Variants in SAGE1 observed in about 807,000 individuals in gnomAD.
The protein encoded by SAGE1 is sarcoma antigen 1, also known as cancer/testis antigen 14.
SAGE1 carries 55 observed loss-of-function variants against 55.4 expected under a neutral mutation model. The observed-to-expected ratio is 0.99, with a 90% confidence interval of 0.80 to 1.24. SAGE1 has a LOEUF of 1.24. SAGE1 is among the 50% of genes most tolerant of loss of function. The probability of loss-of-function intolerance (pLI) is 0.00; values close to 1 mark genes in which losing one functional copy is unlikely to be tolerated. For synonymous variants in SAGE1, 240 were observed against 244.3 expected, an observed-to-expected ratio of 0.98 and a Z score of 0.17; for missense variants, 710 against 704.4, an observed-to-expected ratio of 1.01 and a Z score of -0.09.
intron 1 of SAGE1, among the ~76,000 whole-genome samples, chrX:135,894,153 A>G (rs1556591857): frequency 9.0e-6 from 1 of 111,440 alleles, no homozygotes; most frequent in African/African-American, 3.3e-5. Flanking sequence ...GGCTCACCCA[A>G]CCTCCGCCTC....
At chrX:135,908,699 T>G in intron 12 of SAGE1, 82 bp downstream of exon 12, 1 of 1,055,922 alleles carries the variant, frequency 9.5e-7, no homozygotes, top group South Asian at 2.2e-5. Context: ...GGTTGTTTTG[T>G]GAATTATCTT....
chrX:135,900,036 T>A (rs2088647418), intron 2 of SAGE1, among the ~76,000 whole-genome samples: 1 of 111,055 alleles, frequency 9.0e-6, no homozygotes, highest in African/African-American at 3.3e-5. Flanking sequence ...CTATGTTGAA[T>A]AGGCGAGGTG....
Position 135,911,094 on chromosome X carries a change from T to C in SAGE1, c.2006-98T>C, listed in dbSNP as rs997436849. The C allele has an allele frequency of 1.2e-5, 11 of 948,638 alleles. No homozygotes were observed. In the Admixed American group the frequency reaches 2.3e-4, roughly 20 times the overall value. The allele number at this position is 948,638 out of a possible 1,213,427, so 78.2% of individuals were successfully genotyped here. A position where few individuals can be genotyped will look rare whatever the true frequency, so the allele number is the denominator to read the frequency against. ...CCACCTGGTATATCCTCCTGCTGTA[T>C]GGGATAACGTCCTGGAAACTGAGCA... is the stretch of plus-strand genomic sequence containing the variant. On this transcript the variant is annotated intron_variant, in intron 16 of 19. Coordinates refer to ENST00000370709, the MANE Select transcript of SAGE1 (RefSeq NM_001381902.1).
chrX:135,907,535 T>C (rs1185003271), intron 9 of SAGE1, 82 bp downstream of exon 9: 13 of 1,023,022 alleles, frequency 1.3e-5, no homozygotes, highest in Non-Finnish European at 1.7e-5. Context: ...GGTTGTTTTA[T>C]TGGATTCTCT....
At chrX:135,904,593 T>A in intron 4 of SAGE1, 24 bp downstream of exon 4, 1 of 999,043 alleles carries the variant, frequency 1.0e-6, no homozygotes, top group Non-Finnish European at 1.4e-6. Flanking sequence ...AGCAGGAATT[T>A]CATCCATGAG....
Position 135,911,884 on chromosome X carries a change from G to T in SAGE1, c.2452G>T (p.Ala818Ser). ...GCCAAATACACCACAAATATCTCCT[G>T]CCATGGCAAAGAAAATTAATGATGA... ...TVPNTPQISP[A>S]MAKKINDDIK... Residue 818 changes from alanine to serine, a missense_variant, in exon 18 of 20, where the codon GCC becomes TCC. Physicochemically the swap from Ala to Ser is moderately conservative, Grantham distance 99 (BLOSUM62 1). Coordinates refer to ENST00000370709, the MANE Select transcript of SAGE1 (RefSeq NM_001381902.1). 1 of 1,210,612 alleles carries T rather than the reference G, an allele frequency of 8.3e-7. No homozygotes were observed. Among genetic ancestry groups the T allele is most frequent in the East Asian group, 3.0e-5 (1 of 33,850 alleles).
intron 1 of SAGE1, among the ~76,000 whole-genome samples, chrX:135,895,195 A>G (rs2088565839): frequency 8.9e-6 from 1 of 111,837 alleles, no homozygotes; most frequent in South Asian, 3.7e-4. Flanking sequence ...AAAGTGACAG[A>G]ACCTAGGTCT....
chrX:135,911,870 C>T lies in SAGE1; in HGVS notation c.2438C>T (p.Pro813Leu). ...MSLVETVPNT[P>L]QISPAMAKKI... ...TTGGTGGAAACTGTGCCAAATACACCACAAATATCTCCTGCCATGGCAAAG... is the reference window on the plus strand; with the variant it reads ...TTGGTGGAAACTGTGCCAAATACACTACAAATATCTCCTGCCATGGCAAAG... The change falls in exon 18 of 20, where the codon CCA becomes CTA. Residue 813 changes from proline to leucine, a missense_variant. By Grantham distance (98) the Pro-to-Leu change is moderately conservative (BLOSUM62 -3). Transcript: ENST00000370709. The T allele has an allele frequency of 8.3e-7, 1 of 1,210,657 alleles. No individual in the cohort carries two copies. Among genetic ancestry groups the T allele is most frequent in the Non-Finnish European group, 1.1e-6 (1 of 894,562 alleles).
At chrX:135,905,444 T>A in intron 5 of SAGE1, 52 bp downstream of exon 5, 1 of 1,105,068 alleles carries the variant, frequency 9.0e-7, no homozygotes, top group Non-Finnish European at 1.2e-6. Flanking sequence ...TAAGCATGGA[T>A]ATTTTCATGA....
chrX:135,899,100 T>C (rs530937076), intron 2 of SAGE1, among the ~76,000 whole-genome samples: 2 of 112,234 alleles, frequency 1.8e-5, no homozygotes, highest in African/African-American at 6.5e-5. Context: ...TTGCCTATTT[T>C]TTTTTCTAGG....
In SAGE1 at chrX:135,908,495, A is replaced by G. The variant is rs200716448; in HGVS notation, c.1319A>G (p.His440Arg). 63 of 1,204,305 alleles carry G rather than the reference A, an allele frequency of 5.2e-5. No homozygotes were observed. Among genetic ancestry groups the G allele is most frequent in the Non-Finnish European group, 6.4e-5 (57 of 893,159 alleles). ...TTTCTAGATGCTACCGTCAATCACC[A>G]TGTCCATGAAGCAAGGATGGAAAAT... is the stretch of plus-strand genomic sequence containing the variant. ...TRDQYATVNH[H>R]VHEARMENGQ... is the part of the protein sequence containing the mutation. Residue 440 changes from histidine (H) to arginine (R), a missense_variant, in exon 12 of 20, where the codon CAT becomes CGT. Coordinates refer to ENST00000370709, the MANE Select transcript of SAGE1 (RefSeq NM_001381902.1).
At position 135,911,879 on chromosome X, in the gene SAGE1, C is replaced by G; in HGVS notation, c.2447C>G (p.Ser816Cys). Residue 816 changes from serine to cysteine, a missense_variant, in exon 18 of 20, where the codon TCT becomes TGT. Physicochemically the swap from Ser to Cys is moderately radical, Grantham distance 112. Coordinates refer to ENST00000370709, the MANE Select transcript of SAGE1 (RefSeq NM_001381902.1). The part of the protein sequence containing the change: ...VETVPNTPQI[S>C]PAMAKKINDD... Reference sequence around the variant, plus strand: ...ACTGTGCCAAATACACCACAAATATCTCCTGCCATGGCAAAGAAAATTAAT... The same window carrying G: ...ACTGTGCCAAATACACCACAAATATGTCCTGCCATGGCAAAGAAAATTAAT... The G allele has an allele frequency of 8.3e-7, 1 of 1,210,895 alleles. No homozygotes were observed. Among genetic ancestry groups the G allele is most frequent in the Admixed American group, 2.2e-5 (1 of 46,038 alleles).
In SAGE1 at chrX:135,907,788, G is replaced by A. The variant is rs146228048; in HGVS notation, c.1106G>A (p.Gly369Glu). 1.6e-4 allele frequency: 189 copies of A among 1,207,369 alleles called. No homozygotes were observed. Among genetic ancestry groups the A allele is most frequent in the Non-Finnish European group, 2.0e-4 (180 of 893,750 alleles). The change falls in exon 10 of 20, where the codon GGG becomes GAG. Residue 369 changes from glycine (G) to glutamate (E), a missense_variant. Transcript: ENST00000370709. ...PSNALSTVLP[G>E]LAYLATADMP... The stretch of plus-strand genomic sequence containing the variant: ...AACGCCTTGTCAACTGTTCTACCAG[G>A]GCTTGCTTATTTGGCAACAGCTGAT...
chrX:135,903,165 C>T (rs1236466970), intron 3 of SAGE1, among the ~76,000 whole-genome samples: 1 of 111,836 alleles, frequency 8.9e-6, no homozygotes. Flanking sequence ...GGTCCATCCC[C>T]ACTCCATTCC....
chrX:135,903,618 T>A (rs1476301965), intron 3 of SAGE1, among the ~76,000 whole-genome samples: 4 of 112,391 alleles, frequency 3.6e-5, no homozygotes, highest in Non-Finnish European at 7.5e-5. Context: ...GATGGAGTGG[T>A]GATAAGAGTG....
intron 2 of SAGE1, among the ~76,000 whole-genome samples, chrX:135,897,456 T>C (rs1478682546): frequency 2.7e-5 from 3 of 111,755 alleles, no homozygotes; most frequent in African/African-American, 9.8e-5. Context: ...CTCATAGGGA[T>C]TGGCCAAGGA....
rs782339744 is a variant in SAGE1, at chrX:135,911,271, T to C, written c.2085T>C (p.Val695=). The stretch of plus-strand genomic sequence containing the variant: ...CACCTGATAACTCCTTGTCAACGGT[T>C]CCACCTGGTTGTATTAATCTGTCAG... ...QQAPDNSLST[V]PPGCINLSGA... Residue 695 remains valine (V), a synonymous_variant, in exon 17 of 20, where the codon GTT becomes GTC. Coordinates refer to ENST00000370709, the MANE Select transcript of SAGE1 (RefSeq NM_001381902.1). The C allele has an allele frequency of 8.3e-7, 1 of 1,209,277 alleles. No individual in the cohort carries two copies. The highest frequency in any genetic ancestry group is 1.1e-6 in the Non-Finnish European group (1 of 893,249).
Position 135,911,630 on chromosome X carries a change from C to G in SAGE1, c.2198C>G (p.Thr733Ser), listed in dbSNP as rs2088899919. 2 of 1,210,249 alleles carry G rather than the reference C, an allele frequency of 1.7e-6. No homozygotes were observed. The highest frequency in any genetic ancestry group is 3.5e-5 in the African/African-American group (2 of 57,778). Residue 733 changes from threonine to serine, a missense_variant, in exon 18 of 20, where the codon ACC becomes AGC. Coordinates refer to ENST00000370709, the MANE Select transcript of SAGE1 (RefSeq NM_001381902.1). Reference sequence around the variant, plus strand: ...GAGGAGGAGATGGAAAATGATCAAACCCCTCCTGATGGCTTCCTGTCAAAT... The same window carrying G: ...GAGGAGGAGATGGAAAATGATCAAAGCCCTCCTGATGGCTTCCTGTCAAAT... ...IQEEEMENDQ[T>S]PPDGFLSNSD...
chrX:135,902,631 G>A (rs782398410), intron 3 of SAGE1, among the ~76,000 whole-genome samples: 105 of 112,182 alleles, frequency 9.4e-4, no homozygotes, highest in Non-Finnish European at 1.6e-3. Flanking sequence ...GATTCAGGAA[G>A]AGTTGGCAGC....
Sources: allele counts gnomAD v4.1 joint callset (sites outside exome capture counted in the v4.1 genomes callset), GRCh38; gene constraint gnomAD v4.1.1; transcripts MANE v1.5; gene names NCBI Gene and HGNC (gene_info 2026-07-23, HGNC 2026-07-21).